Variants in PTPRM observed in about 807,000 individuals in gnomAD.
The protein encoded by PTPRM is protein tyrosine phosphatase receptor type M, also known as receptor-type tyrosine-protein phosphatase mu.
PTPRM carries 47 observed loss-of-function variants against 186.7 expected under a neutral mutation model. The observed-to-expected ratio is 0.25, with a 90% CI of 0.20 to 0.32. PTPRM has a LOEUF of 0.32. Ranked by LOEUF, PTPRM falls within the 10% of genes least tolerant of loss-of-function variation. The probability of loss-of-function intolerance (pLI) is 1.00; values close to 1 mark genes in which losing one functional copy is unlikely to be tolerated. For synonymous variants in PTPRM, 668 were observed against 674.9 expected (o/e 0.99, Z 0.16); for missense variants, 1,494 against 1,865.0 (o/e 0.80, Z 3.66).
intron 7 of PTPRM, among the ~76,000 whole-genome samples, chr18:8,011,078 A>C (rs1339242104): frequency 4.6e-5 from 7 of 152,214 alleles, no homozygotes; most frequent in African/African-American, 1.7e-4. Context: ...TGATTTAAGA[A>C]AATCTAGATT....
chr18:8,151,692 GAAA>G (rs1242594668), intron 14 of PTPRM, among the ~76,000 whole-genome samples: 1 of 105,256 alleles, frequency 9.5e-6, no homozygotes. Context: ...CTGGGGTATG[GAAA>G]AAAAAAAAAA....
chr18:8,142,945 G>C (rs764509794), intron 13 of PTPRM, among the ~76,000 whole-genome samples: 4 of 152,164 alleles, frequency 2.6e-5, no homozygotes, highest in Non-Finnish European at 5.9e-5. Flanking sequence ...TTAGACATGA[G>C]AAAGGGGAGC....
intron 14 of PTPRM, among the ~76,000 whole-genome samples, chr18:8,151,728 C>T (rs1007654532): frequency 1.2e-4 from 18 of 148,938 alleles, no homozygotes; most frequent in South Asian, 6.4e-4. Flanking sequence ...GGAGCTAGTT[C>T]GGTGTCTGCC....
At chr18:8,080,633 C>G (rs542361154) in intron 9 of PTPRM, among the ~76,000 whole-genome samples, 1 of 152,234 alleles carries the variant, frequency 6.6e-6, no homozygotes, top group African/African-American at 2.4e-5. Flanking sequence ...TATCCTTAGC[C>G]TGGATAACTG....
chr18:7,606,427 C>T (rs1330993290), intron 1 of PTPRM, among the ~76,000 whole-genome samples: 2 of 152,080 alleles, frequency 1.3e-5, no homozygotes, highest in Non-Finnish European at 2.9e-5. Flanking sequence ...CCTTCCCAGA[C>T]CTGTGCGGTT....
At chr18:7,594,430 A>C (rs915626629) in intron 1 of PTPRM, among the ~76,000 whole-genome samples, 1 of 152,046 alleles carries the variant, frequency 6.6e-6, no homozygotes, top group African/African-American at 2.4e-5. Flanking sequence ...CATTGAGCCG[A>C]GATTGTGCCA....
chr18:7,756,922 A>G (rs1347933039), intron 1 of PTPRM, among the ~76,000 whole-genome samples: 1 of 152,304 alleles, frequency 6.6e-6, no homozygotes, highest in South Asian at 2.1e-4. Flanking sequence ...CTTCCTGCCC[A>G]GTGTGGACCC....
chr18:7,573,418 C>G (rs986853680), intron 1 of PTPRM, among the ~76,000 whole-genome samples: 2 of 152,048 alleles, frequency 1.3e-5, no homozygotes, highest in East Asian at 1.9e-4. Flanking sequence ...ACCTGCTGTC[C>G]ACGGGGAGCA....
chr18:8,040,831 A>G lies in PTPRM; in HGVS notation c.1133-28855A>G, dbSNP rs145139751. Among the ~76,000 whole-genome samples the G allele has an allele frequency of 2.0e-4, 30 of 152,308 alleles. 1 individual carries two copies. The East Asian group carries it at 5.4e-3, about 27-fold the overall frequency. On this transcript the variant is annotated intron_variant, in intron 7 of 32. Coordinates refer to ENST00000580170, the MANE Select transcript of PTPRM (RefSeq NM_001105244.2). ...GAGTTAACTTGCTAAAATTGATTTC[A>G]TCCTATATTCCTTGGCTCAAGTTGA...
intron 3 of PTPRM, among the ~76,000 whole-genome samples, 192 bp from the exon 4 acceptor site, chr18:7,906,312 CT>C (rs1190501402): frequency 1.3e-5 from 2 of 152,148 alleles, no homozygotes; most frequent in Non-Finnish European, 2.9e-5. Flanking sequence ...ACCTATTGAC[CT>C]CCCTGAAGAC....
chr18:7,779,398 G>A (rs956082197), intron 2 of PTPRM, among the ~76,000 whole-genome samples: 3 of 152,162 alleles, frequency 2.0e-5, no homozygotes, highest in Admixed American at 6.5e-5. Flanking sequence ...ATTGAATCAC[G>A]TCTGTGGGTG....
intron 2 of PTPRM, among the ~76,000 whole-genome samples, chr18:7,824,959 T>G (rs2045406674): frequency 6.6e-6 from 1 of 152,170 alleles, no homozygotes; most frequent in Non-Finnish European, 1.5e-5. Flanking sequence ...CTTCTCTTCA[T>G]GGATTTACAC....
intron 5 of PTPRM, among the ~76,000 whole-genome samples, chr18:7,943,555 G>A (rs779628229): frequency 6.6e-6 from 1 of 152,112 alleles, no homozygotes; most frequent in African/African-American, 2.4e-5. Context: ...TAACAAATTC[G>A]AACCTCGTGG....
chr18:8,344,354 C>T (rs540971874), intron 23 of PTPRM, among the ~76,000 whole-genome samples: 1 of 151,368 alleles, frequency 6.6e-6, no homozygotes, highest in East Asian at 1.9e-4. Flanking sequence ...CATCACAATT[C>T]TCTCATAATG....
At chr18:7,902,688 C>A (rs192243395) in intron 3 of PTPRM, among the ~76,000 whole-genome samples, 2 of 152,186 alleles carry the variant, frequency 1.3e-5, no homozygotes, top group South Asian at 4.2e-4. Flanking sequence ...CCAAAGCATG[C>A]GGTAGATATT....
chr18:7,917,156 A>T (rs953978862), intron 4 of PTPRM, among the ~76,000 whole-genome samples: 1 of 152,220 alleles, frequency 6.6e-6, no homozygotes, highest in African/African-American at 2.4e-5. Context: ...TCATACCCTG[A>T]TGGTAAAAAT....
intron 5 of PTPRM, among the ~76,000 whole-genome samples, chr18:7,944,976 G>A (rs1482350800): frequency 6.6e-6 from 1 of 152,144 alleles, no homozygotes; most frequent in Non-Finnish European, 1.5e-5. Context: ...ATTGAGAGGT[G>A]GGGCCTTTAA....
intron 14 of PTPRM, among the ~76,000 whole-genome samples, chr18:8,203,748 G>A (rs2093889804): frequency 6.6e-6 from 1 of 152,132 alleles, no homozygotes; most frequent in Non-Finnish European, 1.5e-5. Context: ...GTGTGAGAAA[G>A]TAAACACACA....
chr18:8,107,128 A>C (rs1266070459), intron 11 of PTPRM, among the ~76,000 whole-genome samples: 1 of 152,182 alleles, frequency 6.6e-6, no homozygotes, highest in Non-Finnish European at 1.5e-5. Flanking sequence ...CTAATTTTGG[A>C]TTATACTTTC....
Sources: gnomAD v4.1 joint callset for allele counts (sites outside exome capture counted in the v4.1 genomes callset) on GRCh38, gnomAD v4.1.1 for gene constraint, MANE v1.5 for transcripts, NCBI Gene and HGNC (gene_info 2026-07-23, HGNC 2026-07-21) for gene names.